Variants in RABEP1 observed in about 807,000 individuals in gnomAD.
RABEP1 encodes the protein rab GTPase-binding effector protein 1.
A neutral mutation model predicts 123.4 loss-of-function variants in RABEP1; 51 were observed. That is an observed-to-expected ratio of 0.41 (90% CI 0.33 to 0.52). The LOEUF (loss-of-function observed/expected upper bound fraction) is 0.52. Among genes scored for constraint, RABEP1 ranks in the 20% least tolerant of loss-of-function variants. The pLI is 0.16. For missense variants in RABEP1, 888 were observed against 996.3 expected (o/e 0.89, Z 1.46); for synonymous variants, 347 against 355.2 (o/e 0.98, Z 0.26).
At chr17:5,287,337 G>A (rs546343523) in intron 1 of RABEP1, among the ~76,000 whole-genome samples, 2 of 151,988 alleles carry the variant, frequency 1.3e-5, no homozygotes, top group African/African-American at 2.4e-5. Flanking sequence ...ACAGGCTCAC[G>A]CCTGTAATCC....
chr17:5,288,960 C>T (rs2075005645), intron 1 of RABEP1, among the ~76,000 whole-genome samples: 2 of 152,096 alleles, frequency 1.3e-5, no homozygotes, highest in Non-Finnish European at 1.5e-5. Flanking sequence ...CCCTCCTTGG[C>T]CTCCCAAAGT....
chr17:5,335,185 A>G lies in RABEP1; in HGVS notation c.369A>G (p.Glu123=). 6.2e-7 allele frequency: 1 copy of G among 1,604,224 alleles called. No individual in the cohort carries two copies. The highest frequency in any genetic ancestry group is 8.5e-7 in the Non-Finnish European group (1 of 1,174,774). The change falls in exon 4 of 18, where the codon GAA becomes GAG. Residue 123 remains glutamate (E), a splice_region_variant and synonymous_variant. Transcript: ENST00000537505. The stretch of plus-strand genomic sequence containing the variant: ...GAAATATGTGGTGATGTTTTGTAGA[A>G]ACAGTTCGTGACTATGAGCACCAGT... The part of the protein sequence containing the change: ...EVASLQAVMK[E]TVRDYEHQFH...
At chr17:5,376,212 T>C (rs1379339392) in intron 13 of RABEP1, among the ~76,000 whole-genome samples, 1 of 152,062 alleles carries the variant, frequency 6.6e-6, no homozygotes, top group African/African-American at 2.4e-5. Context: ...TCCCAGCACA[T>C]TGGGAGGTTG....
At chr17:5,287,634 T>G (rs1033480720) in intron 1 of RABEP1, among the ~76,000 whole-genome samples, 1 of 139,822 alleles carries the variant, frequency 7.2e-6, no homozygotes, top group Non-Finnish European at 1.5e-5. Context: ...CCCAAAACAC[T>G]GAGCGGGCGT....
chr17:5,381,249 A>G (rs1911424764), intron 16 of RABEP1, 140 bp from the exon 17 acceptor site: 2 of 438,270 alleles, frequency 4.6e-6, no homozygotes, highest in South Asian at 1.1e-4. Flanking sequence ...CCCTATAGAT[A>G]AAGAGATTGG....
At chr17:5,361,988 G>T in intron 9 of RABEP1, 2 of 265,526 alleles carry the variant, frequency 7.5e-6, no homozygotes, top group Non-Finnish European at 1.4e-5. Context: ...ACCTGGATTT[G>T]GTTTGCTTTG....
At chr17:5,343,958 G>A (rs1192898131) in intron 5 of RABEP1, among the ~76,000 whole-genome samples, 1 of 152,054 alleles carries the variant, frequency 6.6e-6, no homozygotes, top group Non-Finnish European at 1.5e-5. Context: ...TTACAGGCAT[G>A]AGTCACTGTG....
intron 1 of RABEP1, among the ~76,000 whole-genome samples, chr17:5,298,939 G>A (rs1162557593): frequency 6.6e-6 from 1 of 151,914 alleles, no homozygotes; most frequent in African/African-American, 2.4e-5. Flanking sequence ...ACAGGCGTGA[G>A]CCACTGTGCC....
At chr17:5,329,892 C>A (rs998542423) in intron 2 of RABEP1, among the ~76,000 whole-genome samples, 7 of 150,598 alleles carry the variant, frequency 4.6e-5, no homozygotes, top group African/African-American at 1.7e-4. Flanking sequence ...CTCTATTTCA[C>A]TTTTAAGTGC....
intron 5 of RABEP1, among the ~76,000 whole-genome samples, chr17:5,340,802 G>C (rs529769974): frequency 6.6e-6 from 1 of 151,826 alleles, no homozygotes; most frequent in Non-Finnish European, 1.5e-5. Flanking sequence ...CAAAAAATTA[G>C]CTGGGCGTGG....
chr17:5,314,234 CTTTTTTT>C (rs71151864), intron 2 of RABEP1, among the ~76,000 whole-genome samples: 85 of 55,578 alleles, frequency 1.5e-3, no homozygotes, highest in Middle Eastern at 0.05. Context: ...AGTACCTATT[CTTTTTTT>C]TTTTTTTTTT....
chr17:5,383,220 A>G lies in RABEP1; in HGVS notation c.2586A>G (p.Thr862=). Residue 862 remains threonine (T), a synonymous_variant, in exon 18 of 18, where the codon ACA becomes ACG. Transcript: ENST00000537505. ...CAGACATTAACCAGCTTCCTGAGAC[A>G]TGACACCCTCATGGCAGGATTCTAG... ...KLTDINQLPE[T] is the part of the protein sequence containing the mutation. 1 of 1,613,502 alleles carries G rather than the reference A, an allele frequency of 6.2e-7. No individual in the cohort carries two copies. The highest frequency in any genetic ancestry group is 8.5e-7 in the Non-Finnish European group (1 of 1,179,436).
At chr17:5,282,598 A>C (rs1381670707) in intron 1 of RABEP1, 78 bp downstream of exon 1, 2 of 1,017,720 alleles carry the variant, frequency 2.0e-6, no homozygotes, top group East Asian at 4.6e-5. Context: ...CGGGGCGGGC[A>C]GGCGGCGGCA....
chr17:5,289,602 A>G (rs1030876948), intron 1 of RABEP1, among the ~76,000 whole-genome samples: 13 of 152,112 alleles, frequency 8.5e-5, no homozygotes, highest in Admixed American at 5.2e-4. Context: ...AGTTTAATAT[A>G]AAGAATTATT....
chr17:5,349,957 G>A (rs922422240), intron 6 of RABEP1, among the ~76,000 whole-genome samples: 2 of 152,240 alleles, frequency 1.3e-5, no homozygotes, highest in East Asian at 3.9e-4. Context: ...ATTCCTAGGA[G>A]TGCACTTTGG....
At chr17:5,357,825 A>T (rs112374221) in intron 8 of RABEP1, among the ~76,000 whole-genome samples, 239 of 152,306 alleles carry the variant, frequency 1.6e-3, no homozygotes, top group African/African-American at 5.3e-3. Context: ...GGTGGTCAGG[A>T]GGCAGGAGCA....
At chr17:5,336,328 T>G (rs1907082487) in intron 4 of RABEP1, among the ~76,000 whole-genome samples, 1 of 152,236 alleles carries the variant, frequency 6.6e-6, no homozygotes, top group Admixed American at 6.5e-5. Context: ...AGTTCCTATA[T>G]ACTCCATGCC....
intron 5 of RABEP1, 88 bp from the exon 6 acceptor site, chr17:5,346,702 T>C: frequency 9.7e-7 from 1 of 1,034,844 alleles, no homozygotes; most frequent in Non-Finnish European, 1.3e-6. Context: ...TAAATTTTTT[T>C]GAGGCATAGC....
chr17:5,313,168 T>C (rs2075261913), intron 2 of RABEP1, among the ~76,000 whole-genome samples: 1 of 152,224 alleles, frequency 6.6e-6, no homozygotes, highest in Non-Finnish European at 1.5e-5. Context: ...TCGTCTCCCT[T>C]TTAAAATTTG....
Sources: allele counts gnomAD v4.1 joint callset (sites outside exome capture counted in the v4.1 genomes callset), GRCh38; gene constraint gnomAD v4.1.1; transcripts MANE v1.5; gene names NCBI Gene and HGNC (gene_info 2026-07-23, HGNC 2026-07-21).